ASB4: variants seen among roughly 807,000 people sequenced by gnomAD.
The protein encoded by ASB4 is ankyrin repeat and SOCS box protein 4.
A neutral mutation model predicts 38.6 loss-of-function variants in ASB4; 35 were observed. That is an observed-to-expected ratio of 0.91 (90% confidence interval 0.69 to 1.20). The LOEUF is 1.20. Ranked by LOEUF, ASB4 falls within the 50% of genes most tolerant of loss-of-function variation. The pLI, the probability that ASB4 is intolerant of heterozygous loss-of-function variation, is 0.00. For missense variants in ASB4, 557 were observed against 527.2 expected, an observed-to-expected ratio of 1.06 and a Z score of -0.55; for synonymous variants, 195 against 201.3, an observed-to-expected ratio of 0.97 and a Z score of 0.26.
chr7:95,547,241 A>AAAC, the ASB4 span, among the ~76,000 whole-genome samples: 3 of 152,228 alleles, frequency 2.0e-5, no homozygotes, highest in African/African-American at 7.2e-5. Context: ...TAGTCAAGGT[A>AAAC]AACAATACAT....
chr7:95,546,403 G>T, the ASB4 span, among the ~76,000 whole-genome samples: 1 of 152,116 alleles, frequency 6.6e-6, no homozygotes, highest in African/African-American at 2.4e-5. Context: ...ATTTGATTTA[G>T]TTTCCAATGA....
chr7:95,535,326 A>G (rs1584097111), intron 3 of ASB4, among the ~76,000 whole-genome samples: 1 of 152,202 alleles, frequency 6.6e-6, no homozygotes, highest in Non-Finnish European at 1.5e-5. Context: ...ATGTCTTTGG[A>G]GAAAGTTGTT....
intron 4 of ASB4, among the ~76,000 whole-genome samples, chr7:95,537,325 C>T (rs1790901763): frequency 6.6e-6 from 1 of 152,168 alleles, no homozygotes; most frequent in Non-Finnish European, 1.5e-5. Flanking sequence ...CATCCAGGCA[C>T]TTCACACTTG....
upstream of ASB4, among the ~76,000 whole-genome samples, chr7:95,477,921 A>ATT (rs5885916): frequency 4.7e-5 from 7 of 149,432 alleles, no homozygotes; most frequent in Non-Finnish European, 7.4e-5. Flanking sequence ...TTGTTGTGCA[A>ATT]TTTTTTTTTT....
chr7:95,482,337 T>C (rs1456448256), upstream of ASB4, among the ~76,000 whole-genome samples: 3 of 152,230 alleles, frequency 2.0e-5, no homozygotes, highest in African/African-American at 7.2e-5. Context: ...GCCATCTCTT[T>C]AGGCTAAAAT....
In ASB4 at chr7:95,519,841, A is replaced by AT. The variant is rs890488577; in HGVS notation, c.488-7962dup. 5.5e-3 allele frequency among the ~76,000 whole-genome samples: 833 copies of AT among 150,314 alleles called. 7 individuals are homozygous for AT. Among genetic ancestry groups the AT allele is most frequent in the African/African-American group, 0.019 (762 of 40,974 alleles). Reference sequence around the variant, plus strand: ...CTGGAGTTAAAAATTTTGAGAGGGGATTTTTTTTTTCATTGACTTTAACTC... The same window carrying AT: ...CTGGAGTTAAAAATTTTGAGAGGGGATTTTTTTTTTTCATTGACTTTAACTC... On this transcript the variant is annotated intron_variant, in intron 2 of 4. Transcript: ENST00000325885.
the ASB4 span, among the ~76,000 whole-genome samples, chr7:95,546,233 C>T: frequency 0.016 from 2,368 of 152,202 alleles, 61 homozygotes; most frequent in African/African-American, 0.053. Flanking sequence ...CTGCACATTC[C>T]ACAAATGGTT....
At chr7:95,549,301 A>ATTTTTTTTTTATTT in the ASB4 span, among the ~76,000 whole-genome samples, 15 of 114,862 alleles carry the variant, frequency 1.3e-4, 1 homozygote, top group East Asian at 4.9e-3. Context: ...AGGAGACTCC[A>ATTTTTTTTTTATTT]TTTTTTTTTT....
At chr7:95,541,695 C>T (rs1435856060), downstream of ASB4, among the ~76,000 whole-genome samples, 2 of 152,020 alleles carry the variant, frequency 1.3e-5, no homozygotes, top group Admixed American at 1.3e-4. Context: ...ATCTATTTTA[C>T]TATGGAAAAA....
At chr7:95,474,997 A>G (rs555811559), upstream of ASB4, among the ~76,000 whole-genome samples, 2 of 152,294 alleles carry the variant, frequency 1.3e-5, no homozygotes, top group South Asian at 4.1e-4. Flanking sequence ...GATCCTTAGG[A>G]TGAGGTGGCT....
At chr7:95,534,572 G>A (rs947928318) in intron 3 of ASB4, among the ~76,000 whole-genome samples, 6 of 151,980 alleles carry the variant, frequency 3.9e-5, no homozygotes, top group African/African-American at 7.2e-5. Flanking sequence ...CCTGGGAGCC[G>A]GTTGGTGCAC....
chr7:95,527,985 C>T lies in ASB4; in HGVS notation c.660C>T (p.Leu220=). The part of the protein sequence containing the change: ...TPLAIAAYWA[L]RFKEQEYSTE... ...TGGCCATCGCCGCCTACTGGGCCCT[C>T]CGCTTTAAGGAGCAGGAGTACAGCA... Residue 220 remains leucine (L), a synonymous_variant, in exon 3 of 5, where the codon CTC becomes CTT. Coordinates refer to ENST00000325885, the MANE Select transcript of ASB4 (RefSeq NM_016116.3). 6.2e-7 allele frequency: 1 copy of T among 1,614,128 alleles called. No individual in the cohort carries two copies. Among genetic ancestry groups the T allele is most frequent in the Non-Finnish European group, 8.5e-7 (1 of 1,180,030 alleles).
intron 4 of ASB4, among the ~76,000 whole-genome samples, chr7:95,537,105 G>T (rs1790899031): frequency 6.6e-6 from 1 of 152,186 alleles, no homozygotes; most frequent in African/African-American, 2.4e-5. Flanking sequence ...GTAACACATG[G>T]AGAGGTATCA....
chr7:95,540,525 TG>T (rs762179667), downstream of ASB4, among the ~76,000 whole-genome samples: 3 of 152,244 alleles, frequency 2.0e-5, no homozygotes, highest in Non-Finnish European at 2.9e-5. Context: ...TCTGTCCTCC[TG>T]GGGTTTTTCA....
At chr7:95,534,070 C>T (rs1015070121) in intron 3 of ASB4, among the ~76,000 whole-genome samples, 4 of 150,602 alleles carry the variant, frequency 2.7e-5, no homozygotes, top group East Asian at 1.9e-4. Context: ...AATGGCTGGG[C>T]GCGGTGGCTT....
At chr7:95,495,586 CAAAA>C in intron 1 of ASB4, among the ~76,000 whole-genome samples, 168 bp from the exon 2 acceptor site, 1 of 152,266 alleles carries the variant, frequency 6.6e-6, no homozygotes, top group South Asian at 2.1e-4. Flanking sequence ...TGCTATTTAA[CAAAA>C]CGCTTGCAGA....
At position 95,540,119 on chromosome 7, in the gene ASB4, G is replaced by A. The variant is rs1790950057; in HGVS notation, c.*2360G>A. 1 of 152,168 alleles carries A rather than the reference G, an allele frequency of 6.6e-6. No homozygotes were observed. 9.4% of individuals were successfully genotyped at this position (152,168 alleles called of 1,614,324 possible). A position where few individuals can be genotyped will look rare whatever the true frequency, so the allele number is the denominator to read the frequency against. Reference sequence around the variant, plus strand: ...GCTTAAACACTTATGTTCATCTAGTGTAGAATACATGGCTACTTGTTTGTA... The same window carrying A: ...GCTTAAACACTTATGTTCATCTAGTATAGAATACATGGCTACTTGTTTGTA... On this transcript the variant is annotated 3_prime_UTR_variant, in exon 5 of 5. Coordinates refer to ENST00000325885, the MANE Select transcript of ASB4 (RefSeq NM_016116.3).
chr7:95,496,225 G>T, intron 2 of ASB4, 168 bp downstream of exon 2: 1 of 564,242 alleles, frequency 1.8e-6, no homozygotes, highest in Non-Finnish European at 3.1e-6. Context: ...GTAATTCAAT[G>T]ATGATCACAT....
Position 95,535,053 on chromosome 7 carries a change from C to T in ASB4, c.979-1384C>T, listed in dbSNP as rs1435030448. On this transcript the variant is annotated intron_variant, in intron 3 of 4. Coordinates refer to ENST00000325885, the MANE Select transcript of ASB4 (RefSeq NM_016116.3). ...GTCAACACACACAGACACACTCACTCACACACACACACATGCACATGCACA... is the reference window on the plus strand; with the variant it reads ...GTCAACACACACAGACACACTCACTTACACACACACACATGCACATGCACA... Among the ~76,000 whole-genome samples the T allele has an allele frequency of 2.0e-5, 3 of 150,456 alleles. No individual in the cohort carries two copies. In the East Asian group the frequency reaches 5.8e-4, roughly 29 times the overall value.
Sources: gnomAD v4.1 joint callset for allele counts (sites outside exome capture counted in the v4.1 genomes callset) on GRCh38, gnomAD v4.1.1 for gene constraint, MANE v1.5 for transcripts, NCBI Gene and HGNC (gene_info 2026-07-23, HGNC 2026-07-21) for gene names.